Variants in SETBP1 observed in about 807,000 individuals in gnomAD.
SETBP1 encodes SET-binding protein.
In SETBP1, 9 loss-of-function variants were observed where a neutral mutation model predicts 101.0. That is an observed-to-expected ratio of 0.09 (90% CI 0.05 to 0.16). The LOEUF is 0.16. Among genes scored for constraint, SETBP1 ranks in the 10% least tolerant of loss-of-function variants. The pLI is 1.00. For missense variants in SETBP1, 1,858 were observed against 2,033.8 expected, an observed-to-expected ratio of 0.91 and a Z score of 1.66; for synonymous variants, 818 against 788.5, an observed-to-expected ratio of 1.04 and a Z score of -0.63.
chr18:44,721,164 G>GT (rs1298806794), intron 2 of SETBP1, among the ~76,000 whole-genome samples: 3 of 152,020 alleles, frequency 2.0e-5, no homozygotes, highest in Admixed American at 6.6e-5. Context: ...AAGTTCAGGT[G>GT]TTTTTTTGAA....
chr18:44,842,094 A>G (rs1268963008), intron 2 of SETBP1, among the ~76,000 whole-genome samples: 1 of 152,192 alleles, frequency 6.6e-6, no homozygotes, highest in African/African-American at 2.4e-5. Flanking sequence ...TTGTTCGGTA[A>G]AGAGAAAAGA....
In SETBP1 at chr18:44,951,850, A is replaced by G; in HGVS notation, c.2510A>G (p.Asn837Ser). The change falls in exon 4 of 6, where the codon AAC becomes AGC. Residue 837 changes from asparagine (N) to serine (S), a missense_variant. Transcript: ENST00000649279. This position sits in a 1 kb window ranked among gnomAD's most constrained non-coding sequence, Gnocchi z 7.8. Reference protein sequence around the residue: ...WKLSPPRLMANSPSHLCEIGS... With the variant: ...WKLSPPRLMASSPSHLCEIGS... ...CTGTCTCCACCCAGACTGATGGCCA[A>G]CTCCCCTTCACACCTGTGCGAGATT... 6.2e-7 allele frequency: 1 copy of G among 1,613,910 alleles called. No homozygotes were observed. Among genetic ancestry groups the G allele is most frequent in the South Asian group, 1.1e-5 (1 of 91,052 alleles).
intron 2 of SETBP1, among the ~76,000 whole-genome samples, chr18:44,825,888 C>G (rs2144413742): frequency 6.6e-6 from 1 of 152,354 alleles, no homozygotes; most frequent in South Asian, 2.1e-4. Flanking sequence ...GTTCCCAACA[C>G]TGTCACCTAC....
chr18:44,917,148 G>A (rs1195035995), intron 3 of SETBP1, among the ~76,000 whole-genome samples: 1 of 152,224 alleles, frequency 6.6e-6, no homozygotes, highest in Non-Finnish European at 1.5e-5. Context: ...TCAGGGAAAG[G>A]ACACCCTTCT....
chr18:44,938,766 T>C (rs374199109), intron 3 of SETBP1, among the ~76,000 whole-genome samples: 1 of 152,228 alleles, frequency 6.6e-6, no homozygotes, highest in African/African-American at 2.4e-5. Context: ...CAATGGTGTT[T>C]ACAGAAGCCA....
chr18:44,950,397 G>C lies in SETBP1; in HGVS notation c.1057G>C (p.Asp353His), dbSNP rs753850680. Residue 353 changes from aspartate (D) to histidine (H), a missense_variant, in exon 4 of 6, where the codon GAT becomes CAT. Transcript: ENST00000649279. Reference protein sequence around the residue: ...ISQTIPNPDLDWVKNAQKAFD... With the variant: ...ISQTIPNPDLHWVKNAQKAFD... Reference sequence around the variant, plus strand: ...TCAGACCATACCAAACCCAGACCTGGATTGGGTCAAGAATGCCCAGAAAGC... The same window carrying C: ...TCAGACCATACCAAACCCAGACCTGCATTGGGTCAAGAATGCCCAGAAAGC... 1 of 1,614,018 alleles carries C rather than the reference G, an allele frequency of 6.2e-7. No individual in the cohort carries two copies. The highest frequency in any genetic ancestry group is 1.3e-5 in the African/African-American group (1 of 74,954).
chr18:44,877,518 C>T (rs1488201003), intron 3 of SETBP1: 1 of 262,542 alleles, frequency 3.8e-6, no homozygotes, highest in African/African-American at 2.3e-5. Context: ...CAGTATCTTT[C>T]TTGCTACTTT....
intron 4 of SETBP1, among the ~76,000 whole-genome samples, chr18:45,000,378 A>T (rs778489731): frequency 4.6e-5 from 7 of 152,200 alleles, no homozygotes; most frequent in African/African-American, 1.7e-4. Context: ...AACAGGGGCT[A>T]TAGTGAGCAG....
intron 3 of SETBP1, among the ~76,000 whole-genome samples, chr18:44,920,695 G>A (rs2070559389): frequency 6.6e-6 from 1 of 152,188 alleles, no homozygotes; most frequent in Non-Finnish European, 1.5e-5. Flanking sequence ...TCTGCCAGTA[G>A]TGGCCACAAC....
At chr18:44,979,049 G>A (rs2072053303) in intron 4 of SETBP1, among the ~76,000 whole-genome samples, 1 of 152,188 alleles carries the variant, frequency 6.6e-6, no homozygotes, top group Admixed American at 6.5e-5. Context: ...CTACCAAGCT[G>A]CTGATTTAAA....
chr18:45,044,744 A>T (rs2073575041), intron 5 of SETBP1, among the ~76,000 whole-genome samples: 1 of 152,198 alleles, frequency 6.6e-6, no homozygotes, highest in African/African-American at 2.4e-5. Flanking sequence ...TTTTCAAAAA[A>T]CTAAAGTTAT....
intron 4 of SETBP1, among the ~76,000 whole-genome samples, chr18:45,030,106 C>T (rs1302542725): frequency 1.3e-5 from 2 of 149,750 alleles, no homozygotes; most frequent in Non-Finnish European, 3.0e-5. Flanking sequence ...AAAGGGAATG[C>T]TTCCAGTTTT....
upstream of SETBP1, chr18:44,680,428 C>T (rs1196150972): frequency 6.6e-6 from 1 of 151,788 alleles, no homozygotes; most frequent in East Asian, 2.0e-4. Flanking sequence ...GCCCGGGAGC[C>T]CGGGCGCCCA....
At position 44,941,118 on chromosome 18, in the gene SETBP1, T is replaced by C. The variant is rs529278795; in HGVS notation, c.541-8763T>C. Among the ~76,000 whole-genome samples, 9 of 147,194 alleles carry C rather than the reference T, an allele frequency of 6.1e-5. No homozygotes were observed. The East Asian group carries it at 1.8e-3, about 29-fold the overall frequency. ...TTTTTTTTGAGATGGAGTCATACTT[T>C]GTTGCCAGGCTGGAGTGCAGTGGCG... On this transcript the variant is annotated intron_variant, in intron 3 of 5. Transcript: ENST00000649279.
intron 2 of SETBP1, among the ~76,000 whole-genome samples, chr18:44,727,396 T>A (rs1463157571): frequency 6.6e-6 from 1 of 152,200 alleles, no homozygotes. Context: ...CCTATCTTCC[T>A]GTGGTTCACA....
Position 44,781,448 on chromosome 18 carries a change from GCTCT to G in SETBP1, c.486+79637_486+79640del, listed in dbSNP as rs139439080. On this transcript the variant is annotated intron_variant, in intron 2 of 5. Transcript: ENST00000649279. ...TAGAGCTGTTGTGCTTCTTTGCACC[GCTCT>G]CTCTCTCTCTCTCTCTCTCTGTCTC... Among the ~76,000 whole-genome samples the G allele has an allele frequency of 2.2e-3, 316 of 142,576 alleles. 1 individual carries two copies. Among genetic ancestry groups the G allele is most frequent in the South Asian group, 0.011 (47 of 4,284 alleles). The allele number at this position is 142,576 out of a possible 152,430, so 93.5% of individuals were successfully genotyped here. A position where few individuals can be genotyped will look rare whatever the true frequency, so the allele number is the denominator to read the frequency against.
intron 3 of SETBP1, among the ~76,000 whole-genome samples, chr18:44,906,888 A>G (rs2070188408): frequency 6.6e-6 from 1 of 152,196 alleles, no homozygotes; most frequent in Non-Finnish European, 1.5e-5. Flanking sequence ...ATGCCATAAT[A>G]TTCATCTTTT....
chr18:44,976,636 T>G (rs764955574), intron 4 of SETBP1, among the ~76,000 whole-genome samples: 1 of 152,148 alleles, frequency 6.6e-6, no homozygotes, highest in Non-Finnish European at 1.5e-5. Context: ...ATGGTTATAG[T>G]TAGTAGCTAT....
At chr18:44,849,639 G>T (rs541603388) in intron 2 of SETBP1, among the ~76,000 whole-genome samples, 1 of 149,946 alleles carries the variant, frequency 6.7e-6, no homozygotes, top group African/African-American at 2.5e-5. Flanking sequence ...AGTGATGAAG[G>T]CCATGGGGAA....
Sources: gnomAD v4.1 joint callset for allele counts (sites outside exome capture counted in the v4.1 genomes callset) on GRCh38, gnomAD v4.1.1 for gene constraint, Gnocchi (gnomAD v3.1) non-coding constraint, MANE v1.5 for transcripts, NCBI Gene and HGNC (gene_info 2026-07-23, HGNC 2026-07-21) for gene names.